The following DUSP15 variants were observed in gnomAD, a reference collection of about 807,000 sequenced individuals.
DUSP15 encodes dual specificity protein phosphatase 15.
A neutral mutation model predicts 26.3 loss-of-function variants in DUSP15; 23 were observed. The observed-to-expected ratio is 0.87, with a 90% CI of 0.63 to 1.24. The LOEUF is 1.24. DUSP15 is among the 50% of genes most tolerant of loss of function. The pLI is 0.00. For synonymous variants in DUSP15, 143 were observed against 135.5 expected, an observed-to-expected ratio of 1.06 and a Z score of -0.39; for missense variants, 364 against 320.6, an observed-to-expected ratio of 1.14 and a Z score of -1.03.
At chr20:31,849,741 C>A in exon 8 of DUSP15, 1 of 1,540,144 alleles carries the variant, frequency 6.5e-7, no homozygotes. Flanking sequence ...AGCGAACCTG[C>A]TGCAACGTGA....
chr20:31,869,983 C>T, intron 1 of DUSP15: 1 of 1,340,202 alleles, frequency 7.5e-7, no homozygotes. Context: ...AGAAACAGCC[C>T]CGGAGAGAGC....
chr20:31,861,952 G>A (rs900214776), intron 6 of DUSP15, among the ~76,000 whole-genome samples: 6 of 151,600 alleles, frequency 4.0e-5, no homozygotes, highest in African/African-American at 1.5e-4. Context: ...ACCCCCAGGC[G>A]CCCAGCGGGG....
At chr20:31,864,508 G>A in intron 4 of DUSP15, 1 of 967,498 alleles carries the variant, frequency 1.0e-6, no homozygotes, top group Non-Finnish European at 1.2e-6. Context: ...CTTGACCTGT[G>A]TCATCTGATC....
intron 6 of DUSP15, among the ~76,000 whole-genome samples, chr20:31,855,347 T>C (rs1365406183): frequency 3.3e-5 from 5 of 152,184 alleles, no homozygotes; most frequent in African/African-American, 1.2e-4. Flanking sequence ...AGTGTTGCTT[T>C]GGGGATTACA....
At chr20:31,870,542 C>A (rs559386175), upstream of DUSP15, 261 of 1,452,684 alleles carry the variant, frequency 1.8e-4, 1 homozygote, top group South Asian at 3.5e-3. The surrounding 1 kb of genome is among the most constrained non-coding windows in gnomAD (Gnocchi z 6.6). Flanking sequence ...GTGGAGCCGC[C>A]GCTGCCACCG....
At chr20:31,851,961 C>T (rs1465920732) in intron 6 of DUSP15, among the ~76,000 whole-genome samples, 2 of 151,984 alleles carry the variant, frequency 1.3e-5, no homozygotes, top group Non-Finnish European at 2.9e-5. Flanking sequence ...TGGCCTCAGG[C>T]AAGGTCCACC....
At position 31,861,504 on chromosome 20, in the gene DUSP15, G is replaced by T. The variant is rs1002388762; in HGVS notation, c.607C>A (p.Arg203Ser). 3.9e-6 allele frequency: 6 copies of T among 1,528,918 alleles called. No individual in the cohort carries two copies. The highest frequency in any genetic ancestry group is 1.9e-4 in the Middle Eastern group (1 of 5,342). The allele number at this position is 1,528,918 out of a possible 1,614,324, so 94.7% of individuals were successfully genotyped here. ...SEGTVQRLVP[R>S]TPREAHRPLP... ...GGCCGGTGGGCTTCCCGGGGCGTGCGCGGCACCAGGCGCTGCACGGTTCCC... is the reference window on the plus strand; with the variant it reads ...GGCCGGTGGGCTTCCCGGGGCGTGCTCGGCACCAGGCGCTGCACGGTTCCC... Residue 203 changes from arginine to serine, a missense_variant, in exon 7 of 7, where the codon CGC (arginine) becomes AGC (serine). Arg to Ser is a moderately radical substitution (Grantham distance 110, BLOSUM62 -1). Coordinates refer to ENST00000339738, the MANE Select transcript of DUSP15 (RefSeq NM_080611.5).
chr20:31,850,500 TG>T (rs1399651228), intron 7 of DUSP15: 4 of 1,126,438 alleles, frequency 3.6e-6, no homozygotes, highest in Non-Finnish European at 5.2e-6. Flanking sequence ...TGGCTATTAT[TG>T]GGAGCCTGGG....
At chr20:31,860,251 G>T (rs896196433), downstream of DUSP15, among the ~76,000 whole-genome samples, 2 of 152,234 alleles carry the variant, frequency 1.3e-5, no homozygotes, top group African/African-American at 4.8e-5. Flanking sequence ...TCCAACTCCA[G>T]TGCTGGAATC....
Position 31,862,091 on chromosome 20 carries a change from G to A in DUSP15, c.436-416C>T, listed in dbSNP as rs927359355. ...ACGCCGTGCTGCAGATGAGCCTCTGGGTACCGCCCTCAACCTGCTGAGAGC... is the reference window on the plus strand; with the variant it reads ...ACGCCGTGCTGCAGATGAGCCTCTGAGTACCGCCCTCAACCTGCTGAGAGC... On this transcript the variant is annotated intron_variant, in intron 6 of 6. Coordinates refer to ENST00000339738, the MANE Select transcript of DUSP15 (RefSeq NM_080611.5). 2.6e-5 allele frequency among the ~76,000 whole-genome samples: 4 copies of A among 152,062 alleles called. No homozygotes were observed. In the East Asian group the frequency reaches 7.7e-4, roughly 29 times the overall value.
rs1394519310 is a variant in DUSP15, at chr20:31,848,394, G to A, written c.*10C>T. On this transcript the variant is annotated 3_prime_UTR_variant, in exon 10 of 10. Transcript: ENST00000278979. Reference sequence around the variant, plus strand: ...GTGGGAGTAGGGAGCCCCCCTGTTGGGGGCTGCCTTCAGCGGGTACAAGAA... The same window carrying A: ...GTGGGAGTAGGGAGCCCCCCTGTTGAGGGCTGCCTTCAGCGGGTACAAGAA... The A allele has an allele frequency of 1.9e-6, 3 of 1,610,110 alleles. No homozygotes were observed. The Admixed American group carries it at 5.1e-5, about 27-fold the overall frequency.
exon 10 of DUSP15, chr20:31,848,177 G>A: frequency 2.0e-6 from 1 of 501,418 alleles, no homozygotes; most frequent in Non-Finnish European, 3.5e-6. Context: ...CTGCCTTTCT[G>A]GGGCCTCAAG....
chr20:31,846,440 A>AAGAGAGAGAGAGAGAGAGAGAGAGAG (rs1385705408), downstream of DUSP15, among the ~76,000 whole-genome samples: 2 of 95,292 alleles, frequency 2.1e-5, no homozygotes, highest in African/African-American at 1.2e-4. Flanking sequence ...GAAAGGAATG[A>AAGAGAGAGAGAGAGAGAGAGAGAGAG]ATAGAGAGAG....
chr20:31,864,043 C>G (rs2062717478), intron 4 of DUSP15, 62 bp from the exon 5 acceptor site: 2 of 1,604,934 alleles, frequency 1.2e-6, no homozygotes, highest in Admixed American at 3.4e-5. Flanking sequence ...AGTTGTTCCG[C>G]CCCCACCCCA....
exon 9 of DUSP15, chr20:31,848,839 T>C: frequency 6.2e-7 from 1 of 1,612,262 alleles, no homozygotes; most frequent in East Asian, 2.2e-5. Flanking sequence ...TGGGGTGCTG[T>C]GTGGGGCCCG....
intron 5 of DUSP15, among the ~76,000 whole-genome samples, chr20:31,863,107 C>G (rs986332078): frequency 6.6e-6 from 1 of 151,474 alleles, no homozygotes; most frequent in African/African-American, 2.4e-5. Context: ...ATCAGATAAT[C>G]AATTCCAGGT....
exon 9 of DUSP15, chr20:31,848,872 A>G: frequency 6.2e-7 from 1 of 1,612,202 alleles, no homozygotes; most frequent in Non-Finnish European, 8.5e-7. Context: ...CGAAGCACAG[A>G]CAGATCTGGT....
At chr20:31,853,669 A>G (rs62206283) in intron 6 of DUSP15, among the ~76,000 whole-genome samples, 14,129 of 150,898 alleles carry the variant, frequency 0.094, 1,109 homozygotes, top group African/African-American at 0.21. Context: ...CCTGGTGATC[A>G]GGGCTCACTG....
chr20:31,861,297 C>T lies in DUSP15; in HGVS notation c.*106G>A. The stretch of plus-strand genomic sequence containing the variant: ...GCGCGGGAGGCAGGGTTCAGGCCGC[C>T]GCGGGGCTCCCCCAGCCTCTGGGCC... On this transcript the variant is annotated 3_prime_UTR_variant, in exon 7 of 7. Transcript: ENST00000339738. 7.3e-7 allele frequency: 1 copy of T among 1,371,432 alleles called. No homozygotes were observed. Among genetic ancestry groups the T allele is most frequent in the Non-Finnish European group, 9.4e-7 (1 of 1,069,156 alleles). 85.0% of individuals were successfully genotyped at this position (1,371,432 alleles called of 1,614,324 possible). A position where few individuals can be genotyped will look rare whatever the true frequency, so the allele number is the denominator to read the frequency against.
Sources: gnomAD v4.1 joint callset for allele counts (sites outside exome capture counted in the v4.1 genomes callset) on GRCh38, gnomAD v4.1.1 for gene constraint, Gnocchi (gnomAD v3.1) non-coding constraint, MANE v1.5 for transcripts, NCBI Gene and HGNC (gene_info 2026-07-23, HGNC 2026-07-21) for gene names.